The following GCNT1 variants were observed in gnomAD, a reference collection of about 807,000 sequenced individuals.
GCNT1 encodes glucosaminyl (N-acetyl) transferase 1.
Under a neutral mutation model 26.2 loss-of-function variants are expected in GCNT1, and 16 were observed. The ratio of observed to expected loss-of-function variants is 0.61; its 90% CI spans 0.41 to 0.93. The LOEUF is 0.93. Ranked by LOEUF, GCNT1 falls within the 40% of genes least tolerant of loss-of-function variation. GCNT1 has a pLI of 0.00. For missense variants in GCNT1, 477 were observed against 526.7 expected (o/e 0.91, Z 0.92); for synonymous variants, 183 against 190.8 (o/e 0.96, Z 0.34).
chr9:76,439,510 C>G (rs1322377257), upstream of GCNT1, among the ~76,000 whole-genome samples: 1 of 151,842 alleles, frequency 6.6e-6, no homozygotes, highest in Admixed American at 6.6e-5. Flanking sequence ...CAGGCGTGAG[C>G]CACCATGCCT....
intron 1 of GCNT1, among the ~76,000 whole-genome samples, chr9:76,449,314 A>AC (rs1345171298): frequency 9.3e-5 from 3 of 32,328 alleles, no homozygotes; most frequent in Non-Finnish European, 1.6e-4. Context: ...AAAAACAACA[A>AC]AAAAAAAAAC....
chr9:76,426,826 G>A (rs1301272037), intron 1 of GCNT1, among the ~76,000 whole-genome samples: 1 of 152,074 alleles, frequency 6.6e-6, no homozygotes, highest in Non-Finnish European at 1.5e-5. Context: ...CAAGAGAATC[G>A]CTTGAACCTG....
At chr9:76,490,296 C>G (rs1824696328) in intron 2 of GCNT1, among the ~76,000 whole-genome samples, 1 of 152,124 alleles carries the variant, frequency 6.6e-6, no homozygotes, top group African/African-American at 2.4e-5. Flanking sequence ...GCCAAAGAGT[C>G]TATTTGGGAT....
the GCNT1 span, chr9:76,399,603 C>T: frequency 4.6e-6 from 5 of 1,083,200 alleles, no homozygotes; most frequent in Non-Finnish European, 5.6e-6. Flanking sequence ...CTTGCATAGG[C>T]TCTTAAGCAA....
Position 76,484,710 on chromosome 9 carries a change from T to A in GCNT1, c.-289-16206T>A, listed in dbSNP as rs189449854. ...TTTTGAGACCCTCTGTATATTGTCA[T>A]GCTTTTTGTTTGACCACAACTCAAT... On this transcript the variant is annotated intron_variant, in intron 2 of 3. Transcript: ENST00000376730. Among the ~76,000 whole-genome samples the A allele has an allele frequency of 1.7e-3, 259 of 152,222 alleles. 2 individuals carry two copies. The highest frequency in any genetic ancestry group is 3.2e-3 in the Admixed American group (49 of 15,290).
chr9:76,414,417 A>G, the GCNT1 span, among the ~76,000 whole-genome samples: 1 of 152,260 alleles, frequency 6.6e-6, no homozygotes, highest in African/African-American at 2.4e-5. Flanking sequence ...CTTAGATGTC[A>G]TGCAAGAAAT....
intron 2 of GCNT1, among the ~76,000 whole-genome samples, chr9:76,460,387 A>T (rs1237833038): frequency 6.6e-6 from 1 of 152,154 alleles, no homozygotes; most frequent in Non-Finnish European, 1.5e-5. Context: ...GCTGAATTTG[A>T]TGGGTGGGAG....
the GCNT1 span, among the ~76,000 whole-genome samples, chr9:76,398,466 G>C: frequency 6.6e-6 from 1 of 152,200 alleles, no homozygotes; most frequent in Non-Finnish European, 1.5e-5. Flanking sequence ...TTCATTGTTG[G>C]TGGGAATACA....
intron 2 of GCNT1, among the ~76,000 whole-genome samples, chr9:76,460,533 T>C (rs1477575499): frequency 6.6e-6 from 1 of 152,168 alleles, no homozygotes; most frequent in African/African-American, 2.4e-5. Flanking sequence ...GTAAATTACC[T>C]GCTAGGAGCT....
intron 1 of GCNT1, among the ~76,000 whole-genome samples, chr9:76,447,235 T>C (rs1823592410): frequency 6.6e-6 from 1 of 151,794 alleles, no homozygotes; most frequent in East Asian, 1.9e-4. Flanking sequence ...CTTTTCTTTT[T>C]TTCTTTTTCT....
chr9:76,431,510 A>C (rs1254498357), intron 1 of GCNT1, among the ~76,000 whole-genome samples: 1 of 152,170 alleles, frequency 6.6e-6, no homozygotes, highest in Non-Finnish European at 1.5e-5. Context: ...TCCTCTTGAA[A>C]TCAGGAAACA....
chr9:76,502,345 T>C lies in GCNT1; in HGVS notation c.-37T>C. The stretch of plus-strand genomic sequence containing the variant: ...CATTGGTGCTTGGAGCATAGAAGAC[T>C]GCCCTTCACAAAGGAAATCCCTGAT... On this transcript the variant is annotated 5_prime_UTR_variant, in exon 4 of 4. Transcript: ENST00000376730. 1 of 1,434,208 alleles carries C rather than the reference T, an allele frequency of 7.0e-7. No individual in the cohort carries two copies. The highest frequency in any genetic ancestry group is 9.7e-7 in the Non-Finnish European group (1 of 1,027,480). 88.8% of individuals were successfully genotyped at this position (1,434,208 alleles called of 1,614,324 possible). A position where few individuals can be genotyped will look rare whatever the true frequency, so the allele number is the denominator to read the frequency against.
At chr9:76,490,987 GAGTGTTAC>G (rs1183430553) in intron 2 of GCNT1, among the ~76,000 whole-genome samples, 1 of 152,250 alleles carries the variant, frequency 6.6e-6, no homozygotes, top group Non-Finnish European at 1.5e-5. Context: ...GGTGGTACTG[GAGTGTTAC>G]AGTGTTACAG....
chr9:76,459,798 A>G (rs1051743338), intron 1 of GCNT1, among the ~76,000 whole-genome samples: 1 of 152,134 alleles, frequency 6.6e-6, no homozygotes, highest in African/African-American at 2.4e-5. Flanking sequence ...ACTATTACTA[A>G]TAAGAAAAGA....
At chr9:76,499,607 G>C (rs1825007354) in intron 2 of GCNT1, among the ~76,000 whole-genome samples, 1 of 152,166 alleles carries the variant, frequency 6.6e-6, no homozygotes, top group African/African-American at 2.4e-5. Flanking sequence ...AAGGATATCT[G>C]AGTTTATCCT....
upstream of GCNT1, among the ~76,000 whole-genome samples, chr9:76,440,094 G>A (rs1337811324): frequency 6.1e-5 from 9 of 147,546 alleles, no homozygotes; most frequent in East Asian, 2.0e-4. Flanking sequence ...GCGAAATTCC[G>A]TCGCAAAAAT....
At chr9:76,483,443 C>T (rs1471804631) in intron 2 of GCNT1, among the ~76,000 whole-genome samples, 2 of 151,656 alleles carry the variant, frequency 1.3e-5, no homozygotes, top group Non-Finnish European at 2.9e-5. Flanking sequence ...GAGACAGGGT[C>T]TTTCTCTATC....
Position 76,503,097 on chromosome 9 carries a change from A to G in GCNT1, c.716A>G (p.Glu239Gly), listed in dbSNP as rs1452047865. 5.0e-6 allele frequency: 8 copies of G among 1,614,062 alleles called. No homozygotes were observed. The highest frequency in any genetic ancestry group is 4.4e-5 in the South Asian group (4 of 91,082). Residue 239 changes from glutamate (E) to glycine (G), a missense_variant, in exon 4 of 4, where the codon GAA becomes GGA. Transcript: ENST00000376730. ...IVRKLKLLMG[E>G]NNLETERMPS... ...AGGAAGCTCAAGTTGTTAATGGGAG[A>G]AAACAACCTGGAAACGGAGAGGATG...
chr9:76,428,290 CT>C (rs1823285666), intron 1 of GCNT1, among the ~76,000 whole-genome samples: 1 of 69,922 alleles, frequency 1.4e-5, no homozygotes, highest in Non-Finnish European at 3.2e-5. Context: ...AAAAAAAAAA[CT>C]TAAAAAAAAA....
Sources: gnomAD v4.1 joint callset for allele counts (sites outside exome capture counted in the v4.1 genomes callset) on GRCh38, gnomAD v4.1.1 for gene constraint, MANE v1.5 for transcripts, NCBI Gene and HGNC (gene_info 2026-07-23, HGNC 2026-07-21) for gene names.